The following FOXK1 variants were observed in gnomAD, a reference collection of about 807,000 sequenced individuals.
FOXK1 encodes the protein forkhead box K1.
Under a neutral mutation model 51.9 loss-of-function variants are expected in FOXK1, and 19 were observed. The ratio of observed to expected loss-of-function variants is 0.37; its 90% CI spans 0.26 to 0.54. FOXK1 has a LOEUF of 0.54. Ranked by LOEUF, FOXK1 falls within the 20% of genes least tolerant of loss-of-function variation. The pLI is 0.87. For missense variants in FOXK1, 870 were observed against 1,032.7 expected (o/e 0.84, Z 2.16); for synonymous variants, 537 against 482.6 (o/e 1.11, Z -1.48).
intron 7 of FOXK1, among the ~76,000 whole-genome samples, chr7:4,760,259 AAGT>A (rs1349502842): frequency 6.6e-6 from 1 of 152,182 alleles, no homozygotes; most frequent in East Asian, 1.9e-4. Context: ...TTTAGGGAAA[AAGT>A]AGTTCTGAAT....
At chr7:4,700,924 T>A (rs1260212089) in intron 1 of FOXK1, among the ~76,000 whole-genome samples, 1 of 152,224 alleles carries the variant, frequency 6.6e-6, no homozygotes, top group Non-Finnish European at 1.5e-5. Flanking sequence ...CTGCTGTTAC[T>A]GTCAAGGATG....
chr7:4,700,834 G>A (rs1349378273), intron 1 of FOXK1, among the ~76,000 whole-genome samples: 1 of 152,052 alleles, frequency 6.6e-6, no homozygotes, highest in Non-Finnish European at 1.5e-5. Context: ...AAACAAACAA[G>A]TACTTACCTC....
At position 4,757,081 on chromosome 7, in the gene FOXK1, C is replaced by T. The variant is rs1397177767; in HGVS notation, c.1138C>T (p.Arg380Ter). 6.2e-7 allele frequency: 1 copy of T among 1,613,808 alleles called. No homozygotes were observed. The highest frequency in any genetic ancestry group is 8.5e-7 in the Non-Finnish European group (1 of 1,179,964). The change falls in exon 5 of 9, where the codon CGA (arginine) becomes TGA (stop). Residue 380 changes from arginine to a stop codon, truncating the protein, a stop_gained. Coordinates refer to ENST00000328914, the MANE Select transcript of FOXK1 (RefSeq NM_001037165.2). LOFTEE classifies it high-confidence loss of function. ...GGAGCCTGGGAAGGGGTCCTTTTGG[C>T]GAATAGACCCTGCCTCTGAAGCCAA... ...QEEPGKGSFW[R>*]IDPASEAKLV...
chr7:4,742,512 G>T (rs1008193122), intron 2 of FOXK1, among the ~76,000 whole-genome samples: 1 of 152,158 alleles, frequency 6.6e-6, no homozygotes. Flanking sequence ...CAACTCCTGG[G>T]CTCAAGCGGT....
At chr7:4,721,094 C>G (rs75176331) in intron 1 of FOXK1, among the ~76,000 whole-genome samples, 2,196 of 152,308 alleles carry the variant, frequency 0.014, 50 homozygotes, top group African/African-American at 0.049. Flanking sequence ...CCCTTTCTTG[C>G]TTTACTCTGT....
At chr7:4,721,556 G>A (rs1189633914) in intron 1 of FOXK1, among the ~76,000 whole-genome samples, 1 of 151,208 alleles carries the variant, frequency 6.6e-6, no homozygotes, top group African/African-American at 2.4e-5. Context: ...GGCAGCCTAA[G>A]AAGGACTTTT....
chr7:4,696,302 C>T (rs748613066), intron 1 of FOXK1, among the ~76,000 whole-genome samples: 3 of 151,996 alleles, frequency 2.0e-5, no homozygotes, highest in South Asian at 2.1e-4. Context: ...GGAAATAAAT[C>T]GCCGAGGCTC....
chr7:4,760,630 C>G (rs1583213496), intron 7 of FOXK1, among the ~76,000 whole-genome samples: 1 of 152,202 alleles, frequency 6.6e-6, no homozygotes, highest in South Asian at 2.1e-4. Context: ...GCAGGCAGAT[C>G]ACTTGAGGTC....
chr7:4,696,960 C>T lies in FOXK1; in HGVS notation c.560+14092C>T, dbSNP rs138965212. On this transcript the variant is annotated intron_variant, in intron 1 of 8. Coordinates refer to ENST00000328914, the MANE Select transcript of FOXK1 (RefSeq NM_001037165.2). ...GTGTGCTCCTGTAGTCCCAGCTACACGGGAGACAGAGGCAGGAGAATCCCT... is the reference window on the plus strand; with the variant it reads ...GTGTGCTCCTGTAGTCCCAGCTACATGGGAGACAGAGGCAGGAGAATCCCT... Among the ~76,000 whole-genome samples, 1,240 of 152,248 alleles carry T rather than the reference C, an allele frequency of 8.1e-3. 19 individuals carry two copies. The highest frequency in any genetic ancestry group is 0.028 in the African/African-American group (1,175 of 41,544).
At chr7:4,742,414 AG>A (rs1471740758) in intron 2 of FOXK1, among the ~76,000 whole-genome samples, 3 of 151,972 alleles carry the variant, frequency 2.0e-5, no homozygotes, top group Non-Finnish European at 4.4e-5. Flanking sequence ...AGGAGAAGAA[AG>A]GGCTTTTGTT....
chr7:4,696,101 G>A (rs976724024), intron 1 of FOXK1, among the ~76,000 whole-genome samples: 6 of 144,478 alleles, frequency 4.2e-5, no homozygotes, highest in East Asian at 2.0e-4. Context: ...GGGCGACAGA[G>A]CAAGACTGTG....
chr7:4,757,528 G>T (rs1424298000), intron 5 of FOXK1, among the ~76,000 whole-genome samples: 1 of 150,488 alleles, frequency 6.6e-6, no homozygotes, highest in Non-Finnish European at 1.5e-5. Context: ...TACTGGGGAG[G>T]CTGAGGTAGG....
chr7:4,749,560 C>T lies in FOXK1; in HGVS notation c.747-4899C>T, dbSNP rs1238279292. The stretch of plus-strand genomic sequence containing the variant: ...CTCCACTGCCCACAAGGCTCCGTCG[C>T]AGCTCCTTCCTCCAGCCCCTCCAGG... On this transcript the variant is annotated intron_variant, in intron 2 of 8. Transcript: ENST00000328914. This position sits in a 1 kb window ranked among gnomAD's most constrained non-coding sequence, Gnocchi z 6.0. Among the ~76,000 whole-genome samples, 1 of 152,226 alleles carries T rather than the reference C, an allele frequency of 6.6e-6. No individual in the cohort carries two copies. Among genetic ancestry groups the T allele is most frequent in the Non-Finnish European group, 1.5e-5 (1 of 68,040 alleles).
rs1486467403 is a variant in FOXK1 at position 4,715,742 on chromosome 7, C to T, written c.561-25096C>T. Among the ~76,000 whole-genome samples, 1 of 152,174 alleles carries T rather than the reference C, an allele frequency of 6.6e-6. No individual in the cohort carries two copies. The highest frequency in any genetic ancestry group is 2.4e-5 in the African/African-American group (1 of 41,428). ...TTGGTTGTCATTGGCCAAGCCAGCT[C>T]CGGGCACCCTGAGGTTCCCTCACAG... is the stretch of plus-strand genomic sequence containing the variant. On this transcript the variant is annotated intron_variant, in intron 1 of 8. Transcript: ENST00000328914. The surrounding 1 kb of genome is among the most constrained non-coding windows in gnomAD (Gnocchi z 4.5).
rs532513325 is a variant in FOXK1, at chr7:4,731,502, G to C, written c.561-9336G>C. On this transcript the variant is annotated intron_variant, in intron 1 of 8. Coordinates refer to ENST00000328914, the MANE Select transcript of FOXK1 (RefSeq NM_001037165.2). The surrounding 1 kb of genome is among the most constrained non-coding windows in gnomAD (Gnocchi z 5.3). ...CGGCCGGGCACAGTGGCTCACGCCTGTAATCCCAGCACTTTGGGAGGCCAA... is the reference window on the plus strand; with the variant it reads ...CGGCCGGGCACAGTGGCTCACGCCTCTAATCCCAGCACTTTGGGAGGCCAA... Among the ~76,000 whole-genome samples the C allele has an allele frequency of 6.6e-6, 1 of 152,324 alleles. No homozygotes were observed. Among genetic ancestry groups the C allele is most frequent in the African/African-American group, 2.4e-5 (1 of 41,582 alleles).
In FOXK1 at chr7:4,762,752, C is replaced by T. The variant is rs575937682; in HGVS notation, c.*288C>T. 1.2e-4 allele frequency: 49 copies of T among 415,728 alleles called. 1 individual carries two copies. The highest frequency in any genetic ancestry group is 4.5e-4 in the Admixed American group (12 of 26,918). 25.8% of individuals were successfully genotyped at this position (415,728 alleles called of 1,614,324 possible). A position where few individuals can be genotyped will look rare whatever the true frequency, so the allele number is the denominator to read the frequency against. ...ACCTCCTCTCCCCAGGCCTCCCTGT[C>T]GGGCATGGGGAGGAGGTTGGAGCTC... On this transcript the variant is annotated 3_prime_UTR_variant, in exon 9 of 9. Coordinates refer to ENST00000328914, the MANE Select transcript of FOXK1 (RefSeq NM_001037165.2). This position sits in a 1 kb window ranked among gnomAD's most constrained non-coding sequence, Gnocchi z 5.7.
chr7:4,746,389 A>G (rs911139239), intron 2 of FOXK1, among the ~76,000 whole-genome samples: 5 of 152,050 alleles, frequency 3.3e-5, no homozygotes, highest in African/African-American at 7.2e-5. Flanking sequence ...CTGCAGGGTG[A>G]TTCATCTCTT....
rs1489353628 is a variant in FOXK1 at position 4,767,438 on chromosome 7, AC to A, written c.*4977del. ...CCACACTCCTGATGAAAACGTGTTT[AC>A]CCACAGCCTCGCCTCGAGCCTCCTT... On this transcript the variant is annotated 3_prime_UTR_variant, in exon 9 of 9. Coordinates refer to ENST00000328914, the MANE Select transcript of FOXK1 (RefSeq NM_001037165.2). The surrounding 1 kb of genome is among the most constrained non-coding windows in gnomAD (Gnocchi z 6.6). 1 of 152,196 alleles carries A rather than the reference AC, an allele frequency of 6.6e-6. No individual in the cohort carries two copies. The highest frequency in any genetic ancestry group is 1.5e-5 in the Non-Finnish European group (1 of 68,032). The allele number at this position is 152,196 out of a possible 1,614,324, so 9.4% of individuals were successfully genotyped here.
chr7:4,711,543 A>G lies in FOXK1; in HGVS notation c.560+28675A>G, dbSNP rs968159524. ...TGCCCCATCCCATGGCCACTGGAGA[A>G]CTGGCAGAAGCTCCTAGAGCAGTTG... On this transcript the variant is annotated intron_variant, in intron 1 of 8. Transcript: ENST00000328914. The surrounding 1 kb of genome is among the most constrained non-coding windows in gnomAD (Gnocchi z 6.3). Among the ~76,000 whole-genome samples the G allele has an allele frequency of 1.4e-4, 22 of 152,174 alleles. No homozygotes were observed. The highest frequency in any genetic ancestry group is 7.3e-5 in the Non-Finnish European group (5 of 68,028).
Sources: allele counts gnomAD v4.1 joint callset (sites outside exome capture counted in the v4.1 genomes callset), GRCh38; gene constraint gnomAD v4.1.1; non-coding constraint Gnocchi (gnomAD v3.1); transcripts MANE v1.5; gene names NCBI Gene and HGNC (gene_info 2026-07-23, HGNC 2026-07-21).